Variants in CENPC observed in about 807,000 individuals in gnomAD.
The protein encoded by CENPC is centromere protein C.
A neutral mutation model predicts 112.1 loss-of-function variants in CENPC; 63 were observed. The ratio of observed to expected loss-of-function variants is 0.56; its 90% CI spans 0.46 to 0.69. CENPC has a LOEUF of 0.69. Among genes scored for constraint, CENPC ranks in the 30% least tolerant of loss-of-function variants. The probability of loss-of-function intolerance (pLI) is 0.00; values close to 1 mark genes in which losing one functional copy is unlikely to be tolerated. For synonymous variants in CENPC, 333 were observed against 367.6 expected (o/e 0.91, Z 1.08); for missense variants, 1,000 against 1,103.8 (o/e 0.91, Z 1.33).
chr4:67,513,557 A>G (rs1725958760), intron 8 of CENPC, among the ~76,000 whole-genome samples: 1 of 152,096 alleles, frequency 6.6e-6, no homozygotes. Flanking sequence ...TTTTAATCCT[A>G]TGCATGTATG....
In CENPC at chr4:67,542,461, A is replaced by G. The variant is rs770062241; in HGVS notation, c.66-1411T>C. 2.6e-5 allele frequency among the ~76,000 whole-genome samples: 4 copies of G among 152,328 alleles called. No individual in the cohort carries two copies. In the South Asian group the frequency reaches 8.3e-4, roughly 32 times the overall value. ...ATCAGGTCATCCATCATAAAGTTTT[A>G]TAACTGAAAGATCTCAGAAATCATC... On this transcript the variant is annotated intron_variant, in intron 2 of 18. Transcript: ENST00000273853.
chr4:67,493,975 G>T lies in CENPC; in HGVS notation c.2199C>A (p.Asn733Lys). ...TCTTGGTCCTGCGAACATTTGGTGT[G>T]TTGGAGGGCAATACTATAAAAAGAT... ...RIHHKLVLPS[N>K]TPNVRRTKRT... The change falls in exon 14 of 19, where the codon AAC (asparagine) becomes AAA (lysine). Residue 733 changes from asparagine (N) to lysine (K), a missense_variant. Asn to Lys is a moderately conservative substitution (Grantham distance 94, BLOSUM62 0). Transcript: ENST00000273853. The T allele has an allele frequency of 1.9e-6, 3 of 1,609,642 alleles. No individual in the cohort carries two copies. The highest frequency in any genetic ancestry group is 3.4e-5 in the Admixed American group (2 of 59,582).
In CENPC at chr4:67,524,727, T is replaced by C. The variant is rs528126742; in HGVS notation, c.332-5225A>G. ...ATTCCATGCTCATGGATATGAAGAATCAATATAGTGAAAATGGCCACACTG... is the reference window on the plus strand; with the variant it reads ...ATTCCATGCTCATGGATATGAAGAACCAATATAGTGAAAATGGCCACACTG... On this transcript the variant is annotated intron_variant, in intron 5 of 18. Transcript: ENST00000273853. Among the ~76,000 whole-genome samples the C allele has an allele frequency of 2.4e-3, 365 of 152,144 alleles. 2 individuals are homozygous for C. Among genetic ancestry groups the C allele is most frequent in the African/African-American group, 8.3e-3 (344 of 41,498 alleles).
chr4:67,509,438 T>A (rs1007979729), intron 9 of CENPC, among the ~76,000 whole-genome samples: 3 of 152,122 alleles, frequency 2.0e-5, no homozygotes, highest in African/African-American at 7.2e-5. Context: ...CTTCAGCTTT[T>A]CACTCCATAT....
intron 12 of CENPC, among the ~76,000 whole-genome samples, chr4:67,502,144 A>G (rs1725607193): frequency 6.6e-6 from 1 of 152,120 alleles, no homozygotes; most frequent in African/African-American, 2.4e-5. Context: ...ATCATGACTC[A>G]AGATTATGTT....
chr4:67,491,790 C>G (rs371550954), intron 16 of CENPC, among the ~76,000 whole-genome samples: 12 of 152,028 alleles, frequency 7.9e-5, no homozygotes, highest in African/African-American at 2.7e-4. Context: ...TGTGCCCTAC[C>G]CACAATCCCT....
intron 16 of CENPC, 61 bp from the exon 17 acceptor site, chr4:67,490,182 T>C (rs2109774057): frequency 9.2e-7 from 1 of 1,085,324 alleles, no homozygotes. Flanking sequence ...TGATATAACA[T>C]ATACACATAT....
At chr4:67,508,408 G>A (rs1277706382) in intron 10 of CENPC, among the ~76,000 whole-genome samples, 1 of 149,426 alleles carries the variant, frequency 6.7e-6, no homozygotes, top group Non-Finnish European at 1.5e-5. Flanking sequence ...AGCTACTCAG[G>A]AAGCTAAGGC....
chr4:67,524,694 A>G (rs185318438), intron 5 of CENPC, among the ~76,000 whole-genome samples: 35 of 152,154 alleles, frequency 2.3e-4, no homozygotes, highest in Middle Eastern at 6.8e-3. Flanking sequence ...GGACACAAAG[A>G]GAAAAAAATT....
chr4:67,512,684 C>T, intron 8 of CENPC, 115 bp from the exon 9 acceptor site: 3 of 659,112 alleles, frequency 4.6e-6, no homozygotes, highest in Non-Finnish European at 7.2e-6. Context: ...TATCCTGTGG[C>T]CTTTTCATCT....
intron 16 of CENPC, among the ~76,000 whole-genome samples, chr4:67,491,590 G>A (rs1343112674): frequency 6.7e-6 from 1 of 148,760 alleles, no homozygotes; most frequent in Non-Finnish European, 1.5e-5. Context: ...CATCCCTTGG[G>A]GATCTTACAT....
intron 17 of CENPC, among the ~76,000 whole-genome samples, chr4:67,479,105 C>T (rs766493919): frequency 9.9e-5 from 15 of 152,178 alleles, no homozygotes; most frequent in African/African-American, 2.2e-4. Context: ...ACGAGATAGA[C>T]GGCAACACAC....
intron 17 of CENPC, among the ~76,000 whole-genome samples, chr4:67,476,354 G>C (rs902414847): frequency 2.6e-5 from 4 of 152,182 alleles, no homozygotes; most frequent in African/African-American, 7.2e-5. Flanking sequence ...AGTGTGAAAG[G>C]GGGGAAAGTC....
chr4:67,536,421 A>G (rs1726720480), intron 4 of CENPC, among the ~76,000 whole-genome samples: 1 of 152,238 alleles, frequency 6.6e-6, no homozygotes, highest in African/African-American at 2.4e-5. Context: ...ACAGAAGAGA[A>G]AAACTAATTT....
At position 67,472,825 on chromosome 4, in the gene CENPC, C is replaced by T. The variant is rs1197101481; in HGVS notation, c.2762-150G>A. The T allele has an allele frequency of 3.2e-6, 3 of 950,164 alleles. No individual in the cohort carries two copies. The Admixed American group carries it at 1.3e-4, about 41-fold the overall frequency. 58.9% of individuals were successfully genotyped at this position (950,164 alleles called of 1,614,324 possible). A position where few individuals can be genotyped will look rare whatever the true frequency, so the allele number is the denominator to read the frequency against. On this transcript the variant is annotated intron_variant, in intron 18 of 18. Transcript: ENST00000273853. ...AAAGTAACTTATTTAATTCCATGAA[C>T]TACATCAACAGCTAACCATGACACG... is the stretch of plus-strand genomic sequence containing the variant.
At chr4:67,478,647 C>T (rs1724870810) in intron 17 of CENPC, among the ~76,000 whole-genome samples, 8 of 151,366 alleles carry the variant, frequency 5.3e-5, no homozygotes, top group African/African-American at 1.7e-4. Flanking sequence ...CACACACACA[C>T]ACACACACAC....
At chr4:67,475,607 C>T (rs1724782855) in intron 17 of CENPC, among the ~76,000 whole-genome samples, 1 of 152,100 alleles carries the variant, frequency 6.6e-6, no homozygotes, top group South Asian at 2.1e-4. Context: ...AGTATTGTTT[C>T]TTGTTTTTTG....
chr4:67,532,457 T>C (rs890078611), intron 4 of CENPC, among the ~76,000 whole-genome samples: 9 of 152,204 alleles, frequency 5.9e-5, no homozygotes, highest in Non-Finnish European at 8.8e-5. Context: ...CGTATGTTTA[T>C]TGCAGCACTA....
At chr4:67,530,448 CA>C (rs1238736650) in intron 5 of CENPC, among the ~76,000 whole-genome samples, 1 of 150,742 alleles carries the variant, frequency 6.6e-6, no homozygotes, top group Non-Finnish European at 1.5e-5. Flanking sequence ...CATTTATGGG[CA>C]CCAATTAAGG....
Sources: gnomAD v4.1 joint callset for allele counts (sites outside exome capture counted in the v4.1 genomes callset) on GRCh38, gnomAD v4.1.1 for gene constraint, MANE v1.5 for transcripts, NCBI Gene and HGNC (gene_info 2026-07-23, HGNC 2026-07-21) for gene names.